Variants in KCNJ1 observed in about 807,000 individuals in gnomAD.
KCNJ1 encodes potassium inwardly rectifying channel subfamily J member 1, also known as ATP-sensitive inward rectifier potassium channel 1.
Under a neutral mutation model 21.9 loss-of-function variants are expected in KCNJ1, and 24 were observed. The ratio of observed to expected loss-of-function variants is 1.10; its 90% CI spans 0.79 to 1.54. KCNJ1 has a LOEUF of 1.54. KCNJ1 is among the 40% of genes most tolerant of loss of function. The pLI, the probability that KCNJ1 is intolerant of heterozygous loss-of-function variation, is 0.00. For missense variants in KCNJ1, 457 were observed against 455.4 expected (o/e 1.00, Z -0.03); for synonymous variants, 152 against 160.9 (o/e 0.94, Z 0.42).
intron 1 of KCNJ1, among the ~76,000 whole-genome samples, chr11:128,858,423 G>A (rs1229930257): frequency 6.6e-6 from 1 of 152,092 alleles, no homozygotes; most frequent in Non-Finnish European, 1.5e-5. Context: ...CAAATGGCAC[G>A]TGTCTCCGTG....
At chr11:128,840,384 A>T in intron 2 of KCNJ1, 120 bp from the exon 3 acceptor site, 2 of 970,030 alleles carry the variant, frequency 2.1e-6, no homozygotes, top group Non-Finnish European at 3.2e-6. Context: ...GTTACTAATC[A>T]TTTGGCAAGC....
chr11:128,845,259 T>C (rs911711175), intron 2 of KCNJ1, among the ~76,000 whole-genome samples: 2 of 152,252 alleles, frequency 1.3e-5, no homozygotes, highest in African/African-American at 4.8e-5. Context: ...TCTCAAGTTG[T>C]TCACGAATAA....
chr11:128,865,479 T>C lies in KCNJ1; in HGVS notation c.-192+1694A>G, dbSNP rs1943801893. Among the ~76,000 whole-genome samples, 2 of 152,098 alleles carry C rather than the reference T, an allele frequency of 1.3e-5. 1 individual carries two copies. On this transcript the variant is annotated intron_variant, in intron 1 of 2. Transcript: ENST00000392666. ...AAAGGCAAATGAAGAAAAAAACCTG[T>C]ATGTATAATAATAATAGTCATGAGA...
intron 2 of KCNJ1, among the ~76,000 whole-genome samples, chr11:128,841,568 G>T (rs980801458): frequency 8.5e-5 from 13 of 152,208 alleles, no homozygotes; most frequent in Admixed American, 7.8e-4. Flanking sequence ...TGTCTTCAGG[G>T]TATTTTTCAT....
In KCNJ1 at chr11:128,862,575, C is replaced by A. The variant is rs141969630; in HGVS notation, c.-192+4598G>T. ...GTTGGTAGGTTAGAACGTGCTCATG[C>A]TCTGCCAGTTCGCTGATGTGTCATG... is the stretch of plus-strand genomic sequence containing the variant. On this transcript the variant is annotated intron_variant, in intron 1 of 2. Transcript: ENST00000392666. Among the ~76,000 whole-genome samples the A allele has an allele frequency of 6.0e-4, 92 of 152,320 alleles. 1 individual carries two copies. The highest frequency in any genetic ancestry group is 2.1e-3 in the African/African-American group (86 of 41,576).
At chr11:128,846,500 G>A (rs900601686) in intron 2 of KCNJ1, among the ~76,000 whole-genome samples, 5 of 152,166 alleles carry the variant, frequency 3.3e-5, no homozygotes, top group African/African-American at 4.8e-5. Flanking sequence ...AAAGGCTTCC[G>A]TGAGAGTGAT....
At chr11:128,863,873 G>A (rs950136523) in intron 1 of KCNJ1, among the ~76,000 whole-genome samples, 4 of 151,970 alleles carry the variant, frequency 2.6e-5, no homozygotes, top group Non-Finnish European at 5.9e-5. Flanking sequence ...TAAGAGCATC[G>A]TTCTTTTTTC....
intron 2 of KCNJ1, among the ~76,000 whole-genome samples, chr11:128,847,903 C>G (rs1430464181): frequency 3.3e-5 from 5 of 152,184 alleles, no homozygotes; most frequent in African/African-American, 1.2e-4. Context: ...GGGTCTCACT[C>G]TGTCATCCAG....
intron 1 of KCNJ1, among the ~76,000 whole-genome samples, chr11:128,856,845 T>C (rs984346676): frequency 6.6e-6 from 1 of 152,010 alleles, no homozygotes. Flanking sequence ...CCACCATAAT[T>C]CCTTGGTTGG....
chr11:128,841,310 G>C (rs1416227606), intron 2 of KCNJ1, among the ~76,000 whole-genome samples: 1 of 152,216 alleles, frequency 6.6e-6, no homozygotes, highest in East Asian at 1.9e-4. Context: ...TAGCACAGTT[G>C]ATGAGTGCCT....
At chr11:128,860,645 C>T (rs556729234) in intron 1 of KCNJ1, among the ~76,000 whole-genome samples, 1 of 152,272 alleles carries the variant, frequency 6.6e-6, no homozygotes, top group South Asian at 2.1e-4. Flanking sequence ...GACCAAGGGG[C>T]CTGGAGACGC....
intron 1 of KCNJ1, among the ~76,000 whole-genome samples, chr11:128,857,464 A>T (rs1195765318): frequency 1.3e-5 from 2 of 152,154 alleles, no homozygotes; most frequent in Non-Finnish European, 2.9e-5. Context: ...CCCACAGTAG[A>T]GACTCTAAAA....
chr11:128,839,511 A>G lies in KCNJ1; in HGVS notation c.733T>C (p.Ser245Pro), dbSNP rs762131694. 1 of 1,614,224 alleles carries G rather than the reference A, an allele frequency of 6.2e-7. No homozygotes were observed. Among genetic ancestry groups the G allele is most frequent in the Admixed American group, 1.7e-5 (1 of 60,030 alleles). ...DAGNENLFFI[S>P]PLTIYHVIDH... is the part of the protein sequence containing the mutation. ...ATGACATGGTAAATTGTCAATGGGG[A>G]GATGAAGAATAAATTTTCATTCCCA... is the stretch of plus-strand genomic sequence containing the variant. Residue 245 changes from serine to proline, a missense_variant, in exon 3 of 3, where the codon TCC becomes CCC. Coordinates refer to ENST00000392666, the MANE Select transcript of KCNJ1 (RefSeq NM_153766.3).
At chr11:128,861,639 C>G (rs1270629592) in intron 1 of KCNJ1, among the ~76,000 whole-genome samples, 1 of 152,164 alleles carries the variant, frequency 6.6e-6, no homozygotes, top group South Asian at 2.1e-4. Flanking sequence ...GGCTCGCCTC[C>G]CTGGTGCAAG....
At chr11:128,849,179 G>A (rs1184244993) in intron 2 of KCNJ1, among the ~76,000 whole-genome samples, 2 of 152,230 alleles carry the variant, frequency 1.3e-5, no homozygotes, top group African/African-American at 4.8e-5. Context: ...GAGAAGTTAA[G>A]CAACTTATCC....
At chr11:128,866,489 T>C (rs1943817704) in intron 1 of KCNJ1, 1 of 896,110 alleles carries the variant, frequency 1.1e-6, no homozygotes, top group African/African-American at 1.8e-5. Flanking sequence ...ACCAAATCTG[T>C]AAGATACAGA....
At position 128,839,949 on chromosome 11, in the gene KCNJ1, G is replaced by A. The variant is rs149582781; in HGVS notation, c.295C>T (p.His99Tyr). The stretch of plus-strand genomic sequence containing the variant: ...TTAATATTCTCCACACAGGGAGTGT[G>A]ATTGGCAGAAGGATGGAATTCCGGG... ...DLPEFHPSAN[H>Y]TPCVENINGL... The change falls in exon 3 of 3, where the codon CAC (histidine) becomes TAC (tyrosine). Residue 99 changes from histidine (H) to tyrosine (Y), a missense_variant. Physicochemically the swap from His to Tyr is moderately conservative, Grantham distance 83. Coordinates refer to ENST00000392666, the MANE Select transcript of KCNJ1 (RefSeq NM_153766.3). 2 of 1,614,030 alleles carry A rather than the reference G, an allele frequency of 1.2e-6. No homozygotes were observed. Among genetic ancestry groups the A allele is most frequent in the African/African-American group, 2.7e-5 (2 of 74,936 alleles).
chr11:128,839,794 T>G lies in KCNJ1; in HGVS notation c.450A>C (p.Ile150=). The G allele has an allele frequency of 6.2e-7, 1 of 1,614,128 alleles. No individual in the cohort carries two copies. Among genetic ancestry groups the G allele is most frequent in the Non-Finnish European group, 8.5e-7 (1 of 1,180,042 alleles). ...LLIFQSILGV[I]INSFMCGAIL... is the part of the protein sequence containing the mutation. The stretch of plus-strand genomic sequence containing the variant: ...TGGCCCCACACATGAAAGAATTGAT[T>G]ATAACTCCAAGTATAGACTGAAAGA... The change falls in exon 3 of 3, where the codon ATA becomes ATC. Residue 150 remains isoleucine, a synonymous_variant. Transcript: ENST00000392666.
intron 1 of KCNJ1, among the ~76,000 whole-genome samples, chr11:128,853,072 CA>C (rs1943505606): frequency 6.6e-6 from 1 of 152,210 alleles, no homozygotes; most frequent in South Asian, 2.1e-4. Flanking sequence ...AAAATCAAGC[CA>C]AATCAAAAGA....
Sources: allele counts gnomAD v4.1 joint callset (sites outside exome capture counted in the v4.1 genomes callset), GRCh38; gene constraint gnomAD v4.1.1; transcripts MANE v1.5; gene names NCBI Gene and HGNC (gene_info 2026-07-23, HGNC 2026-07-21).